The following SPATA6L variants were observed in gnomAD, a reference collection of about 807,000 sequenced individuals.
SPATA6L encodes the protein spermatogenesis associated 6 like.
SPATA6L carries 68 observed loss-of-function variants against 49.2 expected under a neutral mutation model. The ratio of observed to expected loss-of-function variants is 1.38; its 90% confidence interval spans 1.14 to 1.69. SPATA6L has a LOEUF of 1.69. Among genes scored for constraint, SPATA6L ranks in the 40% most tolerant of loss-of-function variants. The pLI, the probability that SPATA6L is intolerant of heterozygous loss-of-function variation, is 0.00. For synonymous variants in SPATA6L, 198 were observed against 165.7 expected, an observed-to-expected ratio of 1.19 and a Z score of -1.50; for missense variants, 668 against 464.3, an observed-to-expected ratio of 1.44 and a Z score of -4.03.
chr9:4,598,194 T>C (rs1370284989), downstream of SPATA6L, among the ~76,000 whole-genome samples: 4 of 152,124 alleles, frequency 2.6e-5, no homozygotes, highest in Admixed American at 2.0e-4. Context: ...GAGATTTTCT[T>C]AGGAGCCTCT....
At chr9:4,614,684 T>G (rs1362538647) in intron 9 of SPATA6L, among the ~76,000 whole-genome samples, 1 of 152,238 alleles carries the variant, frequency 6.6e-6, no homozygotes, top group Non-Finnish European at 1.5e-5. Context: ...TTTCCCAGGA[T>G]GCAAACTTTT....
At position 4,622,179 on chromosome 9, in the gene SPATA6L, G is replaced by A. The variant is rs555272945; in HGVS notation, c.772+229C>T. On this transcript the variant is annotated intron_variant, in intron 7 of 11. Coordinates refer to ENST00000682582, the MANE Select transcript of SPATA6L (RefSeq NM_001353486.2). ...ACTGCAACCACAGCACACTCAGCAC[G>A]CCGCTCAGAACGGTCCCCTTCAACG... is the stretch of plus-strand genomic sequence containing the variant. 1.1e-4 allele frequency among the ~76,000 whole-genome samples: 16 copies of A among 152,316 alleles called. No homozygotes were observed. In the East Asian group the frequency reaches 2.3e-3, roughly 22 times the overall value.
intron 2 of SPATA6L, among the ~76,000 whole-genome samples, chr9:4,659,705 G>C (rs776708675): frequency 2.4e-4 from 36 of 152,118 alleles, no homozygotes; most frequent in Non-Finnish European, 3.2e-4. Context: ...AACCAAAAAA[G>C]AGCCCGCATT....
downstream of SPATA6L, chr9:4,596,498 G>T (rs1822268516): frequency 6.6e-6 from 1 of 152,198 alleles, no homozygotes; most frequent in Admixed American, 6.5e-5. Context: ...GTTTATCTCA[G>T]TTCAAAATTC....
intron 6 of SPATA6L, among the ~76,000 whole-genome samples, chr9:4,623,857 T>G (rs929424420): frequency 1.9e-4 from 29 of 152,210 alleles, no homozygotes; most frequent in Admixed American, 1.3e-4. Flanking sequence ...ATAAATGAAG[T>G]CAATTCGATA....
At chr9:4,615,700 GGTAT>G (rs1435683136) in intron 9 of SPATA6L, among the ~76,000 whole-genome samples, 1 of 152,082 alleles carries the variant, frequency 6.6e-6, no homozygotes, top group Non-Finnish European at 1.5e-5. Flanking sequence ...GTGACAAGGG[GGTAT>G]GTCTGCCTTC....
At position 4,600,418 on chromosome 9, in the gene SPATA6L, T is replaced by C. The variant is rs1050929658; in HGVS notation, c.*393A>G. ...TTTCCTGGAGGATTTATCAGGTTAT[T>C]CCTGTGAATAGCAACTTCCTCTAGC... is the stretch of plus-strand genomic sequence containing the variant. On this transcript the variant is annotated 3_prime_UTR_variant, in exon 12 of 12. Coordinates refer to ENST00000682582, the MANE Select transcript of SPATA6L (RefSeq NM_001353486.2). 2 of 152,034 alleles carry C rather than the reference T, an allele frequency of 1.3e-5. No individual in the cohort carries two copies. Among genetic ancestry groups the C allele is most frequent in the African/African-American group, 2.4e-5 (1 of 41,276 alleles). The allele number at this position is 152,034 out of a possible 1,614,324, so 9.4% of individuals were successfully genotyped here. A position where few individuals can be genotyped will look rare whatever the true frequency, so the allele number is the denominator to read the frequency against.
intron 13 of SPATA6L, among the ~76,000 whole-genome samples, chr9:4,593,210 G>A (rs1822017652): frequency 6.6e-6 from 1 of 152,202 alleles, no homozygotes; most frequent in Admixed American, 6.5e-5. Flanking sequence ...ATGCATGACA[G>A]TATCCAATCG....
chr9:4,617,181 C>A (rs562330473), intron 9 of SPATA6L, among the ~76,000 whole-genome samples: 1 of 152,074 alleles, frequency 6.6e-6, no homozygotes. Flanking sequence ...TATTTTGGTA[C>A]GTGGAGTTTG....
chr9:4,647,846 T>TG, intron 3 of SPATA6L, among the ~76,000 whole-genome samples: 1 of 151,760 alleles, frequency 6.6e-6, no homozygotes, highest in Non-Finnish European at 1.5e-5. Flanking sequence ...TTTTTTTTTT[T>TG]TTTTTTGAAC....
intron 3 of SPATA6L, 30 bp from the exon 4 acceptor site, chr9:4,635,429 T>C (rs948979517): frequency 4.5e-6 from 7 of 1,567,928 alleles, no homozygotes; most frequent in Middle Eastern, 1.7e-4. Context: ...AGCATAAATA[T>C]CTGTATTTAC....
downstream of SPATA6L, among the ~76,000 whole-genome samples, chr9:4,594,658 A>T (rs572689351): frequency 3.3e-5 from 5 of 152,294 alleles, no homozygotes; most frequent in South Asian, 1.0e-3. Context: ...CTGCTCTGGG[A>T]TTCAGGTGGG....
rs1374524005 is a variant in SPATA6L, at chr9:4,600,229, A to G, written c.*582T>C. On this transcript the variant is annotated 3_prime_UTR_variant, in exon 12 of 12. Coordinates refer to ENST00000682582, the MANE Select transcript of SPATA6L (RefSeq NM_001353486.2). ...GGAGCCAGCCTCCTCTTACAAATTTATCACAGACATTCAACATCTAAAACA... is the reference window on the plus strand; with the variant it reads ...GGAGCCAGCCTCCTCTTACAAATTTGTCACAGACATTCAACATCTAAAACA... Among the ~76,000 whole-genome samples the G allele has an allele frequency of 6.6e-6, 1 of 152,224 alleles. No individual in the cohort carries two copies. The highest frequency in any genetic ancestry group is 1.9e-4 in the East Asian group (1 of 5,200).
At position 4,635,818 on chromosome 9, in the gene SPATA6L, C is replaced by T. The variant is rs116817321; in HGVS notation, c.227-419G>A. 6.1e-3 allele frequency among the ~76,000 whole-genome samples: 933 copies of T among 152,228 alleles called. 11 individuals are homozygous for T. The highest frequency in any genetic ancestry group is 0.02 in the African/African-American group (850 of 41,530). ...CAATGTGTTCTGTGATGCATGGATG[C>T]CAAGGGCCCAGATGACAGCTACAGC... On this transcript the variant is annotated intron_variant, in intron 3 of 11. Transcript: ENST00000682582.
intron 5 of SPATA6L, chr9:4,627,786 G>C (rs1830623431): frequency 7.8e-7 from 1 of 1,289,346 alleles, no homozygotes; most frequent in Non-Finnish European, 1.0e-6. Flanking sequence ...CCGAGCATCA[G>C]CCTCAGCAAA....
downstream of SPATA6L, among the ~76,000 whole-genome samples, chr9:4,597,680 G>A (rs556434327): frequency 7.9e-5 from 12 of 152,332 alleles, no homozygotes; most frequent in East Asian, 2.3e-3. Context: ...AGGAGCAAAG[G>A]GTTGGGGCTC....
chr9:4,605,969 C>T (rs574132754), intron 9 of SPATA6L, among the ~76,000 whole-genome samples: 20 of 152,200 alleles, frequency 1.3e-4, no homozygotes, highest in South Asian at 2.1e-4. Flanking sequence ...GTGCGCGAGC[C>T]GAAGCAGGGC....
chr9:4,629,998 A>G (rs981601997), intron 4 of SPATA6L, among the ~76,000 whole-genome samples: 2 of 152,192 alleles, frequency 1.3e-5, no homozygotes, highest in African/African-American at 4.8e-5. Flanking sequence ...AATGACACAC[A>G]CAACTACATG....
At position 4,619,836 on chromosome 9, in the gene SPATA6L, G is replaced by A. The variant is rs147629185; in HGVS notation, c.773-938C>T. Among the ~76,000 whole-genome samples, 818 of 152,206 alleles carry A rather than the reference G, an allele frequency of 5.4e-3. 6 individuals carry two copies. Among genetic ancestry groups the A allele is most frequent in the African/African-American group, 0.016 (677 of 41,512 alleles). ...TGCCGAAGTATGGCAAGGATGACTA[G>A]GAAATGAGGTAATAAAGACACAGAG... On this transcript the variant is annotated intron_variant, in intron 7 of 11. Coordinates refer to ENST00000682582, the MANE Select transcript of SPATA6L (RefSeq NM_001353486.2).
Sources: allele counts gnomAD v4.1 joint callset (sites outside exome capture counted in the v4.1 genomes callset), GRCh38; gene constraint gnomAD v4.1.1; transcripts MANE v1.5; gene names NCBI Gene and HGNC (gene_info 2026-07-23, HGNC 2026-07-21).